Variants in NDRG1 observed in about 807,000 individuals in gnomAD.
The protein encoded by NDRG1 is protein NDRG1.
Under a neutral mutation model 56.9 loss-of-function variants are expected in NDRG1, and 32 were observed. That is an observed-to-expected ratio of 0.56 (90% CI 0.42 to 0.76). The LOEUF is 0.76. Among genes scored for constraint, NDRG1 ranks in the 30% least tolerant of loss-of-function variants. The pLI, the probability that NDRG1 is intolerant of heterozygous loss-of-function variation, is 0.00. For synonymous variants in NDRG1, 211 were observed against 204.1 expected (o/e 1.03, Z -0.29); for missense variants, 507 against 545.7 (o/e 0.93, Z 0.71).
chr8:133,296,615 A>C lies in NDRG1; in HGVS notation c.-19+519T>G, dbSNP rs71526287. The C allele has an allele frequency of 0.038, 17,059 of 448,518 alleles. 428 individuals are homozygous for C. The highest frequency in any genetic ancestry group is 0.054 in the African/African-American group (2,644 of 49,282). 27.8% of individuals were successfully genotyped at this position (448,518 alleles called of 1,614,324 possible). ...CAGACACACCCACGCCCCCCTCTCC[A>C]GCCTCCTTGCCAGCGCCACTCACCT... On this transcript the variant is annotated intron_variant, in intron 1 of 15. Coordinates refer to ENST00000323851, the MANE Select transcript of NDRG1 (RefSeq NM_006096.4).
intron 3 of NDRG1, among the ~76,000 whole-genome samples, chr8:133,271,805 A>T (rs1857201601): frequency 1.4e-5 from 2 of 141,994 alleles, no homozygotes. Context: ...AAAAAAAAAA[A>T]AGGAGTAAAG....
intron 1 of NDRG1, among the ~76,000 whole-genome samples, chr8:133,294,391 G>A (rs7821403): frequency 0.1 from 15,143 of 152,180 alleles, 806 homozygotes; most frequent in African/African-American, 0.12. Flanking sequence ...GAGAGATGTC[G>A]TGTCCCTCCC....
chr8:133,256,672 G>A, intron 8 of NDRG1, 105 bp downstream of exon 8: 4 of 1,067,236 alleles, frequency 3.7e-6, no homozygotes, highest in Non-Finnish European at 5.6e-6. Flanking sequence ...TGGAGGAGTG[G>A]GTAAAGAGAG....
chr8:133,262,050 G>A lies in NDRG1; in HGVS notation c.323C>T (p.Ala108Val). Residue 108 changes from alanine to valine, a missense_variant, in exon 5 of 16, where the codon GCA becomes GTA. Coordinates refer to ENST00000323851, the MANE Select transcript of NDRG1 (RefSeq NM_006096.4). The part of the protein sequence containing the change: ...GQQDGAASFP[A>V]GYMYPSMDQL... The stretch of plus-strand genomic sequence containing the variant: ...CATAGGGCAAGAGGCCTCTCACCCT[G>A]CGGGGAAGGAGGCTGCGCCGTCCTG... The A allele has an allele frequency of 1.2e-6, 2 of 1,611,526 alleles. No individual in the cohort carries two copies. Among genetic ancestry groups the A allele is most frequent in the South Asian group, 1.1e-5 (1 of 90,948 alleles).
At chr8:133,280,127 T>C in intron 3 of NDRG1, 105 bp downstream of exon 3, 5 of 1,407,262 alleles carry the variant, frequency 3.6e-6, no homozygotes, top group Middle Eastern at 1.8e-4. Flanking sequence ...TTCTCTCCCC[T>C]TGCCCGCAAT....
chr8:133,290,837 G>C (rs1161106816), intron 1 of NDRG1, among the ~76,000 whole-genome samples: 1 of 152,200 alleles, frequency 6.6e-6, no homozygotes, highest in African/African-American at 2.4e-5. Flanking sequence ...TCAATGCTTT[G>C]GAAAAGCATT....
intron 1 of NDRG1, among the ~76,000 whole-genome samples, chr8:133,294,513 TC>T (rs1412837945): frequency 2.0e-5 from 3 of 152,188 alleles, no homozygotes; most frequent in African/African-American, 7.2e-5. Context: ...GGAATGGGAT[TC>T]TCTGGGGTTG....
At chr8:133,249,812 CAGAGAT>C (rs1188333687) in intron 10 of NDRG1, among the ~76,000 whole-genome samples, 1 of 152,208 alleles carries the variant, frequency 6.6e-6, no homozygotes, top group Non-Finnish European at 1.5e-5. Flanking sequence ...AACATTTGAG[CAGAGAT>C]AAACACTATG....
At chr8:133,263,770 G>T (rs1586449614) in intron 4 of NDRG1, among the ~76,000 whole-genome samples, 1 of 152,150 alleles carries the variant, frequency 6.6e-6, no homozygotes, top group South Asian at 2.1e-4. Flanking sequence ...ACAAAAATTA[G>T]TCAGGCGTGG....
chr8:133,273,739 C>T (rs1857311432), intron 3 of NDRG1, among the ~76,000 whole-genome samples: 1 of 152,240 alleles, frequency 6.6e-6, no homozygotes, highest in African/African-American at 2.4e-5. Context: ...CAACACCCCT[C>T]ACCTTAGCAG....
chr8:133,278,802 G>C (rs1313585740), intron 3 of NDRG1, among the ~76,000 whole-genome samples: 1 of 152,048 alleles, frequency 6.6e-6, no homozygotes, highest in African/African-American at 2.4e-5. Context: ...GGCTGGAAGA[G>C]GTGAGGCCCA....
intron 3 of NDRG1, among the ~76,000 whole-genome samples, chr8:133,273,622 A>G (rs756032880): frequency 6.6e-6 from 1 of 152,334 alleles, no homozygotes; most frequent in East Asian, 1.9e-4. Flanking sequence ...TTCCATGACT[A>G]TAACATTTTT....
rs1037487983 is a variant in NDRG1 at position 133,237,477 on chromosome 8, G to C, written c.*1401C>G. 1.2e-4 allele frequency: 28 copies of C among 232,938 alleles called. No homozygotes were observed. The highest frequency in any genetic ancestry group is 5.9e-4 in the African/African-American group (27 of 45,436). 14.4% of individuals were successfully genotyped at this position (232,938 alleles called of 1,614,324 possible). ...AATTCACTCTGACCAAACTTCCTATGAGAAAATCCACGGTGAGCCAAAATG... is the reference window on the plus strand; with the variant it reads ...AATTCACTCTGACCAAACTTCCTATCAGAAAATCCACGGTGAGCCAAAATG... On this transcript the variant is annotated 3_prime_UTR_variant, in exon 16 of 16. Coordinates refer to ENST00000323851, the MANE Select transcript of NDRG1 (RefSeq NM_006096.4).
At chr8:133,293,770 C>T (rs1858568017) in intron 1 of NDRG1, among the ~76,000 whole-genome samples, 1 of 152,174 alleles carries the variant, frequency 6.6e-6, no homozygotes, top group African/African-American at 2.4e-5. Context: ...AACAGCATAT[C>T]CCCTGATGGA....
At chr8:133,288,589 C>T (rs988152419) in intron 1 of NDRG1, among the ~76,000 whole-genome samples, 10 of 152,228 alleles carry the variant, frequency 6.6e-5, no homozygotes, top group African/African-American at 2.2e-4. Context: ...TGCTGGACTC[C>T]AGCTCCTGCC....
chr8:133,285,235 T>C (rs1386427947), intron 1 of NDRG1, among the ~76,000 whole-genome samples: 1 of 152,126 alleles, frequency 6.6e-6, no homozygotes, highest in African/African-American at 2.4e-5. Flanking sequence ...TCTAGATCAG[T>C]AGTCAAGTTA....
At chr8:133,261,825 CAAT>C (rs1390943468) in intron 5 of NDRG1, among the ~76,000 whole-genome samples, 2 of 152,204 alleles carry the variant, frequency 1.3e-5, no homozygotes, top group African/African-American at 2.4e-5. Context: ...GGCTGCACAA[CAAT>C]GTCTGCATGT....
intron 1 of NDRG1, among the ~76,000 whole-genome samples, chr8:133,289,507 G>A (rs569728331): frequency 7.2e-5 from 11 of 152,202 alleles, no homozygotes; most frequent in African/African-American, 2.4e-4. Context: ...CACCACTGGG[G>A]CCCTTCTCTC....
chr8:133,267,306 G>A (rs1483492017), intron 3 of NDRG1, among the ~76,000 whole-genome samples: 3 of 152,184 alleles, frequency 2.0e-5, no homozygotes, highest in East Asian at 1.9e-4. Context: ...GCACAGGGAC[G>A]CAGCAGTGGT....
Sources: gnomAD v4.1 joint callset for allele counts (sites outside exome capture counted in the v4.1 genomes callset) on GRCh38, gnomAD v4.1.1 for gene constraint, MANE v1.5 for transcripts, NCBI Gene and HGNC (gene_info 2026-07-23, HGNC 2026-07-21) for gene names.